GAL3ST2: variants seen among roughly 807,000 people sequenced by gnomAD.
GAL3ST2 encodes galactose-3-O-sulfotransferase 2, also known as beta-galactose-3-O-sulfotransferase 2.
GAL3ST2 carries 16 observed loss-of-function variants against 12.9 expected under a neutral mutation model. The ratio of observed to expected loss-of-function variants is 1.24; its 90% CI spans 0.84 to 1.88. GAL3ST2 has a LOEUF of 1.88. Ranked by LOEUF, GAL3ST2 falls within the 40% of genes most tolerant of loss-of-function variation. The pLI is 0.00. For missense variants in GAL3ST2, 639 were observed against 571.8 expected, an observed-to-expected ratio of 1.12 and a Z score of -1.20; for synonymous variants, 302 against 273.9, an observed-to-expected ratio of 1.10 and a Z score of -1.01.
chr2:241,776,918 A>G lies in GAL3ST2; in HGVS notation c.-38A>G, dbSNP rs988950242. The G allele has an allele frequency of 1.1e-5, 16 of 1,499,496 alleles. No homozygotes were observed. Among genetic ancestry groups the G allele is most frequent in the Non-Finnish European group, 1.4e-5 (16 of 1,116,230 alleles). The allele number at this position is 1,499,496 out of a possible 1,614,324, so 92.9% of individuals were successfully genotyped here. A position where few individuals can be genotyped will look rare whatever the true frequency, so the allele number is the denominator to read the frequency against. ...GGCGGTGGGACCTCGGGGGAGCTCA[A>G]GCCTCGACTGTCCCCTCGCTGGAGG... On this transcript the variant is annotated 5_prime_UTR_variant, in exon 1 of 4. Transcript: ENST00000192314.
rs200308140 is a variant in GAL3ST2 at position 241,801,961 on chromosome 2, G to T, written c.300G>T (p.Ala100=). ...TGGGCTACCCCTGGCTCTTCCTGGCGCGCTACGTGGAAGGCGTGGGGTCGC... is the reference window on the plus strand; with the variant it reads ...TGGGCTACCCCTGGCTCTTCCTGGCTCGCTACGTGGAAGGCGTGGGGTCGC... The part of the protein sequence containing the change: ...VHLGYPWLFL[A]RYVEGVGSQQ... The change falls in exon 3 of 4, where the codon GCG becomes GCT. Residue 100 remains alanine, a synonymous_variant. Coordinates refer to ENST00000192314, the MANE Select transcript of GAL3ST2 (RefSeq NM_022134.3). The surrounding 1 kb of genome is among the most constrained non-coding windows in gnomAD (Gnocchi z 4.4). The T allele has an allele frequency of 6.2e-7, 1 of 1,613,034 alleles. No homozygotes were observed. The highest frequency in any genetic ancestry group is 8.5e-7 in the Non-Finnish European group (1 of 1,179,944).
At chr2:241,781,798 G>A (rs73011948) in intron 1 of GAL3ST2, among the ~76,000 whole-genome samples, 22,383 of 131,298 alleles carry the variant, frequency 0.17, no homozygotes, top group African/African-American at 0.3. Flanking sequence ...TGTCTTAAAG[G>A]ATTAATTAGG....
In GAL3ST2 at chr2:241,801,841, C is replaced by G. The variant is rs1429210047; in HGVS notation, c.180C>G (p.His60Gln). 1 of 1,612,964 alleles carries G rather than the reference C, an allele frequency of 6.2e-7. No homozygotes were observed. Among genetic ancestry groups the G allele is most frequent in the South Asian group, 1.1e-5 (1 of 91,086 alleles). Reference sequence around the variant, plus strand: ...CCAACATCATGTTCCTGAAGACGCACAAGACGGCCAGCAGCACGGTGCTCA... The same window carrying G: ...CCAACATCATGTTCCTGAAGACGCAGAAGACGGCCAGCAGCACGGTGCTCA... Reference protein sequence around the residue: ...PVTNIMFLKTHKTASSTVLNI... With the variant: ...PVTNIMFLKTQKTASSTVLNI... The change falls in exon 3 of 4, where the codon CAC becomes CAG. Residue 60 changes from histidine (H) to glutamine (Q), a missense_variant. Transcript: ENST00000192314. This position sits in a 1 kb window ranked among gnomAD's most constrained non-coding sequence, Gnocchi z 4.4.
Position 241,779,802 on chromosome 2 carries a change from A to G in GAL3ST2, c.29+2818A>G, listed in dbSNP as rs972208141. On this transcript the variant is annotated intron_variant, in intron 1 of 3. Transcript: ENST00000192314. ...GGAGTTTGAGAACAGCCTGACCAAC[A>G]TGGAGAAACCCCGTCTCTACTAAAA... Among the ~76,000 whole-genome samples, 18 of 151,776 alleles carry G rather than the reference A, an allele frequency of 1.2e-4. No homozygotes were observed. In the East Asian group the frequency reaches 3.2e-3, roughly 27 times the overall value.
At chr2:241,788,917 G>T (rs1205686208) in intron 1 of GAL3ST2, among the ~76,000 whole-genome samples, 1 of 151,874 alleles carries the variant, frequency 6.6e-6, no homozygotes, top group Admixed American at 6.6e-5. Flanking sequence ...CCACAGCTCA[G>T]TTCCTCCTTT....
At position 241,803,684 on chromosome 2, in the gene GAL3ST2, C is replaced by T; in HGVS notation, c.715C>T (p.Arg239Cys). 1 of 1,546,340 alleles carries T rather than the reference C, an allele frequency of 6.5e-7. No individual in the cohort carries two copies. The highest frequency in any genetic ancestry group is 8.7e-7 in the Non-Finnish European group (1 of 1,144,826). ...GGACGAGTCCCTGGTGCTGCTGCGGCGCCGGCTGCGCTGGGCGCTGGACGA... is the reference window on the plus strand; with the variant it reads ...GGACGAGTCCCTGGTGCTGCTGCGGTGCCGGCTGCGCTGGGCGCTGGACGA... ...HLDESLVLLRRRLRWALDDVV... is the reference protein window; with the variant it reads ...HLDESLVLLRCRLRWALDDVV... The change falls in exon 4 of 4, where the codon CGC becomes TGC. Residue 239 changes from arginine (R) to cysteine (C), a missense_variant. Arg to Cys is a radical substitution (Grantham distance 180). Coordinates refer to ENST00000192314, the MANE Select transcript of GAL3ST2 (RefSeq NM_022134.3).
chr2:241,804,053 A>G lies in GAL3ST2; in HGVS notation c.1084A>G (p.Thr362Ala). ...YNLRPGLDNQ[T>A]LGVCQRLVMP... ...CCTCCGGCCGGGCCTGGACAACCAG[A>G]CGCTGGGCGTGTGCCAGAGGCTTGT... The change falls in exon 4 of 4, where the codon ACG becomes GCG. Residue 362 changes from threonine (T) to alanine (A), a missense_variant. By Grantham distance (58) the Thr-to-Ala change is moderately conservative. Coordinates refer to ENST00000192314, the MANE Select transcript of GAL3ST2 (RefSeq NM_022134.3). 1 of 1,558,062 alleles carries G rather than the reference A, an allele frequency of 6.4e-7. No homozygotes were observed. The highest frequency in any genetic ancestry group is 8.7e-7 in the Non-Finnish European group (1 of 1,153,220).
chr2:241,803,586 A>C lies in GAL3ST2; in HGVS notation c.617A>C (p.Glu206Ala). 1.9e-6 allele frequency: 3 copies of C among 1,585,606 alleles called. No homozygotes were observed. Among genetic ancestry groups the C allele is most frequent in the Non-Finnish European group, 2.6e-6 (3 of 1,165,128 alleles). The change falls in exon 4 of 4, where the codon GAG (glutamate) becomes GCG (alanine). Residue 206 changes from glutamate to alanine, a missense_variant. Coordinates refer to ENST00000192314, the MANE Select transcript of GAL3ST2 (RefSeq NM_022134.3). ...GGCTTCGACCCCAACGCGCAGTGCG[A>C]GGAGGGCTACGTGCGCGCGCGCATC... ...DFGFDPNAQCEEGYVRARIAE... is the reference protein window; with the variant it reads ...DFGFDPNAQCAEGYVRARIAE...
At chr2:241,779,976 A>G (rs1699547005) in intron 1 of GAL3ST2, among the ~76,000 whole-genome samples, 1 of 151,250 alleles carries the variant, frequency 6.6e-6, no homozygotes, top group Non-Finnish European at 1.5e-5. Context: ...ACAAGAGCAC[A>G]ATCCCGTCTC....
chr2:241,788,250 G>A (rs560720608), intron 1 of GAL3ST2, among the ~76,000 whole-genome samples: 3 of 152,252 alleles, frequency 2.0e-5, no homozygotes, highest in South Asian at 4.1e-4. Flanking sequence ...TGCATTACCT[G>A]ACCTCTTTGG....
chr2:241,803,151 T>G (rs1451219251), intron 3 of GAL3ST2, among the ~76,000 whole-genome samples, 194 bp from the exon 4 acceptor site: 1 of 152,338 alleles, frequency 6.6e-6, no homozygotes, highest in East Asian at 1.9e-4. Flanking sequence ...GTGACTGGGC[T>G]GCAGGGCCTG....
At position 241,793,021 on chromosome 2, in the gene GAL3ST2, C is replaced by A. The variant is rs184264287; in HGVS notation, c.30-6044C>A. 3.3e-3 allele frequency among the ~76,000 whole-genome samples: 496 copies of A among 152,316 alleles called. 2 individuals carry two copies. The highest frequency in any genetic ancestry group is 6.8e-3 in the Admixed American group (104 of 15,302). On this transcript the variant is annotated intron_variant, in intron 1 of 3. Transcript: ENST00000192314. This position sits in a 1 kb window ranked among gnomAD's most constrained non-coding sequence, Gnocchi z 4.7. ...CTTTGCTTCGAGCCATCCTGCCTCT[C>A]CAGACCGAACCAATGTTCGTCCTGC... is the stretch of plus-strand genomic sequence containing the variant.
intron 1 of GAL3ST2, among the ~76,000 whole-genome samples, chr2:241,777,295 G>T (rs940642342): frequency 2.0e-5 from 3 of 152,198 alleles, no homozygotes; most frequent in Admixed American, 1.3e-4. Context: ...GGGAGGGTGA[G>T]ACCTGCTGGG....
chr2:241,802,130 G>T lies in GAL3ST2; in HGVS notation c.375+94G>T. The T allele has an allele frequency of 2.9e-6, 4 of 1,369,038 alleles. No individual in the cohort carries two copies. Among genetic ancestry groups the T allele is most frequent in the Non-Finnish European group, 3.0e-6 (3 of 1,013,344 alleles). 84.8% of individuals were successfully genotyped at this position (1,369,038 alleles called of 1,614,324 possible). Reference sequence around the variant, plus strand: ...AGCCTGGAGGCTGGAGAGAAGGAGTGTAAGGCTTGGGGGCGGGGCGTGCAG... The same window carrying T: ...AGCCTGGAGGCTGGAGAGAAGGAGTTTAAGGCTTGGGGGCGGGGCGTGCAG... On this transcript the variant is annotated intron_variant, in intron 3 of 3. Coordinates refer to ENST00000192314, the MANE Select transcript of GAL3ST2 (RefSeq NM_022134.3). This position sits in a 1 kb window ranked among gnomAD's most constrained non-coding sequence, Gnocchi z 4.8.
chr2:241,797,606 C>T (rs1006216772), intron 1 of GAL3ST2, among the ~76,000 whole-genome samples: 8 of 147,896 alleles, frequency 5.4e-5, no homozygotes, highest in African/African-American at 1.8e-4. Flanking sequence ...CAGCCCTCCC[C>T]GCTGCTCCCA....
chr2:241,789,869 A>T (rs1018332287), intron 1 of GAL3ST2, among the ~76,000 whole-genome samples: 20 of 152,036 alleles, frequency 1.3e-4, no homozygotes, highest in African/African-American at 4.4e-4. Flanking sequence ...CTCAAAAAAA[A>T]AAGAAAGAAA....
Position 241,779,214 on chromosome 2 carries a change from ATTTTTTTTTTTTTTTTTT to A in GAL3ST2, c.29+2250_29+2267del, listed in dbSNP as rs56979777. Among the ~76,000 whole-genome samples the A allele has an allele frequency of 5.9e-3, 323 of 54,544 alleles. 1 individual carries two copies. The highest frequency in any genetic ancestry group is 0.02 in the African/African-American group (275 of 13,612). 35.8% of individuals were successfully genotyped at this position (54,544 alleles called of 152,430 possible). On this transcript the variant is annotated intron_variant, in intron 1 of 3. Transcript: ENST00000192314. ...AGGTCCTGAGTTACTAGGAAAGCTC[ATTTTTTTTTTTTTTTTTT>A]TTTTTTTTTTTTTTTTTTTGAGACG...
Position 241,793,629 on chromosome 2 carries a change from G to C in GAL3ST2, c.30-5436G>C, listed in dbSNP as rs1168013839. 1.9e-5 allele frequency among the ~76,000 whole-genome samples: 1 copy of C among 52,600 alleles called. No individual in the cohort carries two copies. The highest frequency in any genetic ancestry group is 3.4e-5 in the Non-Finnish European group (1 of 29,234). The allele number at this position is 52,600 out of a possible 152,430, so 34.5% of individuals were successfully genotyped here. On this transcript the variant is annotated intron_variant, in intron 1 of 3. Coordinates refer to ENST00000192314, the MANE Select transcript of GAL3ST2 (RefSeq NM_022134.3). The surrounding 1 kb of genome is among the most constrained non-coding windows in gnomAD (Gnocchi z 4.7). ...TGTGTGTATTGTGTGTGTACATATT[G>C]TGTTTGTGTGTACATATTGTGTATG...
intron 1 of GAL3ST2, 58 bp downstream of exon 1, chr2:241,777,042 G>C (rs761836166): frequency 1.1e-4 from 157 of 1,388,016 alleles, no homozygotes; most frequent in Non-Finnish European, 1.5e-4. Flanking sequence ...TGGCTATTCT[G>C]AGAGACGGAC....
Sources: allele counts gnomAD v4.1 joint callset (sites outside exome capture counted in the v4.1 genomes callset), GRCh38; gene constraint gnomAD v4.1.1; non-coding constraint Gnocchi (gnomAD v3.1); transcripts MANE v1.5; gene names NCBI Gene and HGNC (gene_info 2026-07-23, HGNC 2026-07-21).